Variants in BMP1 observed in about 807,000 individuals in gnomAD.
BMP1 encodes the protein bone morphogenetic protein 1, also known as mammalian tolloid protein.
BMP1 carries 63 observed loss-of-function variants against 116.8 expected under a neutral mutation model. That is an observed-to-expected ratio of 0.54 (90% CI 0.44 to 0.67). The LOEUF is 0.67. Among genes scored for constraint, BMP1 ranks in the 30% least tolerant of loss-of-function variants. The pLI is 0.00. For synonymous variants in BMP1, 536 were observed against 533.4 expected, an observed-to-expected ratio of 1.00 and a Z score of -0.07; for missense variants, 1,183 against 1,358.9, an observed-to-expected ratio of 0.87 and a Z score of 2.04.
At chr8:22,169,317 C>G (rs907837801) in intron 1 of BMP1, 1 of 152,272 alleles carries the variant, frequency 6.6e-6, no homozygotes, top group Non-Finnish European at 1.5e-5. Context: ...GCTAATCTCT[C>G]TCTCTCCCTC....
chr8:22,207,182 G>T lies in BMP1; in HGVS notation c.2362-121G>T, dbSNP rs1829377669. ...CCCTATTCCTGGGCCCTCCTTCACT[G>T]TCATCCCCAGCTGTGGCTGCTCCCA... is the stretch of plus-strand genomic sequence containing the variant. On this transcript the variant is annotated intron_variant, in intron 17 of 19. Transcript: ENST00000306385. 4.3e-6 allele frequency: 6 copies of T among 1,386,900 alleles called. No homozygotes were observed. In the South Asian group the frequency reaches 8.0e-5, roughly 18 times the overall value. 85.9% of individuals were successfully genotyped at this position (1,386,900 alleles called of 1,614,324 possible). A position where few individuals can be genotyped will look rare whatever the true frequency, so the allele number is the denominator to read the frequency against.
At chr8:22,203,628 A>G (rs991021318) in intron 16 of BMP1, among the ~76,000 whole-genome samples, 2 of 152,210 alleles carry the variant, frequency 1.3e-5, no homozygotes, top group Non-Finnish European at 2.9e-5. Flanking sequence ...GCTCTGAGCC[A>G]TTAGCACCAT....
chr8:22,210,464 T>TCACACACACACACACA (rs1261150197), intron 19 of BMP1, among the ~76,000 whole-genome samples: 1 of 90,564 alleles, frequency 1.1e-5, no homozygotes, highest in African/African-American at 8.6e-5. Flanking sequence ...TCTCTCTCTC[T>TCACACACACACACACA]CTCTCACACA....
intron 5 of BMP1, 177 bp from the exon 6 acceptor site, chr8:22,177,675 T>C: frequency 1.3e-6 from 1 of 764,962 alleles, no homozygotes; most frequent in Non-Finnish European, 2.4e-6. Context: ...TGGACAGGAC[T>C]CTTCCTGAGA....
chr8:22,190,019 C>T (rs1337042574), intron 8 of BMP1, among the ~76,000 whole-genome samples: 1 of 152,180 alleles, frequency 6.6e-6, no homozygotes, highest in Non-Finnish European at 1.5e-5. Flanking sequence ...CTCCCAGGTT[C>T]AAGCGATTCT....
chr8:22,184,226 G>C (rs1828704298), intron 8 of BMP1, among the ~76,000 whole-genome samples: 1 of 152,198 alleles, frequency 6.6e-6, no homozygotes, highest in South Asian at 2.1e-4. Flanking sequence ...TCCTGTCCGG[G>C]AGTTTTTGCA....
In BMP1 at chr8:22,166,689, G is replaced by T. The variant is rs532865528; in HGVS notation, c.148+1136G>T. Among the ~76,000 whole-genome samples the T allele has an allele frequency of 3.3e-5, 5 of 152,342 alleles. 1 individual carries two copies. The highest frequency in any genetic ancestry group is 1.2e-4 in the African/African-American group (5 of 41,578). ...AGGTTGCTCTAGTCCTGGCTCTGGA[G>T]ACCCTGTTCAGGGACTCTCCTGGGA... On this transcript the variant is annotated intron_variant, in intron 1 of 19. Coordinates refer to ENST00000306385, the MANE Select transcript of BMP1 (RefSeq NM_006129.5).
chr8:22,175,541 A>G (rs1225390992), intron 2 of BMP1, among the ~76,000 whole-genome samples: 2 of 152,206 alleles, frequency 1.3e-5, no homozygotes, highest in Non-Finnish European at 2.9e-5. Context: ...GGTTCCTTCA[A>G]GCCTCTGGTC....
chr8:22,211,767 C>A lies in BMP1; in HGVS notation c.*39C>A, dbSNP rs773557475. 48 of 1,613,550 alleles carry A rather than the reference C, an allele frequency of 3.0e-5. No individual in the cohort carries two copies. In the East Asian group the frequency reaches 1.0e-3, roughly 34 times the overall value. On this transcript the variant is annotated 3_prime_UTR_variant, in exon 20 of 20. Coordinates refer to ENST00000306385, the MANE Select transcript of BMP1 (RefSeq NM_006129.5). The stretch of plus-strand genomic sequence containing the variant: ...AGGGGCGGGGACTGGAGCCTGCTGC[C>A]CTTGGTCGCCTAGACTGGATAGTGG...
chr8:22,166,094 T>TC (rs1828098797), intron 1 of BMP1, among the ~76,000 whole-genome samples: 1 of 151,982 alleles, frequency 6.6e-6, no homozygotes. Flanking sequence ...AGAAAGTTTT[T>TC]CCAGGGATTC....
At chr8:22,176,477 G>C in intron 3 of BMP1, 56 bp from the exon 4 acceptor site, 3 of 1,586,892 alleles carry the variant, frequency 1.9e-6, no homozygotes, top group Non-Finnish European at 2.6e-6. Context: ...TCAGTGGTGG[G>C]TAGGGGGTGG....
At position 22,194,138 on chromosome 8, in the gene BMP1, AATTGGGTTGGAAAGG is replaced by A; in HGVS notation, c.1262_1276del (p.Asn421_Gly426delinsSer). The stretch of plus-strand genomic sequence containing the variant: ...CTGGGTTGAATTCCGCAGCAGCAGC[AATTGGGTTGGAAAGG>A]GCTTCTTTGCAGTCTACGAAGGTAC... On this transcript the variant is annotated inframe_deletion, in exon 10 of 20. Coordinates refer to ENST00000306385, the MANE Select transcript of BMP1 (RefSeq NM_006129.5). The surrounding 1 kb of genome is among the most constrained non-coding windows in gnomAD (Gnocchi z 4.5). The A allele has an allele frequency of 2.5e-6, 4 of 1,614,104 alleles. No homozygotes were observed. Among genetic ancestry groups the A allele is most frequent in the Non-Finnish European group, 3.4e-6 (4 of 1,179,998 alleles).
In BMP1 at chr8:22,180,407, C is replaced by T. The variant is rs755501101; in HGVS notation, c.1001C>T (p.Ser334Phe). The change falls in exon 8 of 20, where the codon TCC (serine) becomes TTC (phenylalanine). Residue 334 changes from serine to phenylalanine, a missense_variant. By Grantham distance (155) the Ser-to-Phe change is radical (BLOSUM62 -2). Transcript: ENST00000306385. ...ETLQDSTGNF[S>F]SPEYPNGYSA... The stretch of plus-strand genomic sequence containing the variant: ...CTGCAAGACAGCACAGGCAACTTCT[C>T]CTCCCCTGAATACCCCAATGGCTAC... 6.2e-7 allele frequency: 1 copy of T among 1,614,052 alleles called. No individual in the cohort carries two copies. The highest frequency in any genetic ancestry group is 1.1e-5 in the South Asian group (1 of 91,084).
Position 22,199,652 on chromosome 8 carries a change from G to A in BMP1, c.2108-2151G>A, listed in dbSNP as rs901526107. ...CACAAATGTGAGGAAGGGGTGGAGCGAAGGCTTTGCTCAGTCCGTAAGCTG... is the reference window on the plus strand; with the variant it reads ...CACAAATGTGAGGAAGGGGTGGAGCAAAGGCTTTGCTCAGTCCGTAAGCTG... On this transcript the variant is annotated intron_variant, in intron 15 of 19. Transcript: ENST00000306385. Among the ~76,000 whole-genome samples, 11 of 152,206 alleles carry A rather than the reference G, an allele frequency of 7.2e-5. No individual in the cohort carries two copies. In the East Asian group the frequency reaches 7.7e-4, roughly 11 times the overall value.
At chr8:22,196,517 C>T (rs777292792) in intron 13 of BMP1, 163 bp from the exon 14 acceptor site, 5 of 1,044,306 alleles carry the variant, frequency 4.8e-6, no homozygotes, top group Non-Finnish European at 7.0e-6. Flanking sequence ...CCCAGGCCAC[C>T]CTGCCTCCTC....
intron 15 of BMP1, chr8:22,201,206 C>A (rs770246003): frequency 2.5e-6 from 4 of 1,612,576 alleles, no homozygotes; most frequent in South Asian, 2.2e-5. Context: ...CCCAGTGAGG[C>A]CTGCCAGGCC....
intron 9 of BMP1, among the ~76,000 whole-genome samples, chr8:22,193,668 C>T (rs563063131): frequency 1.6e-4 from 25 of 152,242 alleles, no homozygotes; most frequent in African/African-American, 4.1e-4. Flanking sequence ...CCTGTAGCCC[C>T]GGCTACTTGG....
In BMP1 at chr8:22,198,001, A is replaced by G. The variant is rs554324713; in HGVS notation, c.2107+581A>G. Among the ~76,000 whole-genome samples, 10 of 152,234 alleles carry G rather than the reference A, an allele frequency of 6.6e-5. No individual in the cohort carries two copies. In the South Asian group the frequency reaches 1.2e-3, roughly 19 times the overall value. On this transcript the variant is annotated intron_variant, in intron 15 of 19. Coordinates refer to ENST00000306385, the MANE Select transcript of BMP1 (RefSeq NM_006129.5). ...GGAGTTCAAGACCAGCCTAGACAAC[A>G]TAGCGAGACCCCATCTCTATAAAAA...
intron 16 of BMP1, among the ~76,000 whole-genome samples, chr8:22,203,617 G>C (rs1228948875): frequency 1.3e-5 from 2 of 152,166 alleles, no homozygotes; most frequent in African/African-American, 2.4e-5. Flanking sequence ...TTATAGACAT[G>C]GCTCTGAGCC....
Sources: allele counts gnomAD v4.1 joint callset (sites outside exome capture counted in the v4.1 genomes callset), GRCh38; gene constraint gnomAD v4.1.1; non-coding constraint Gnocchi (gnomAD v3.1); transcripts MANE v1.5; gene names NCBI Gene and HGNC (gene_info 2026-07-23, HGNC 2026-07-21).